Variants in DPP10 observed in about 807,000 individuals in gnomAD.
The protein encoded by DPP10 is dipeptidyl peptidase like 10.
In DPP10, 33 loss-of-function variants were observed where a neutral mutation model predicts 120.9. That is an observed-to-expected ratio of 0.27 (90% CI 0.21 to 0.37). The LOEUF is 0.37. DPP10 is among the 10% of genes least tolerant of loss of function. The pLI is 1.00. For missense variants in DPP10, 816 were observed against 942.8 expected (o/e 0.87, Z 1.76); for synonymous variants, 337 against 326.1 (o/e 1.03, Z -0.36).
intron 1 of DPP10, among the ~76,000 whole-genome samples, chr2:114,572,301 G>C (rs1689718601): frequency 6.6e-6 from 1 of 152,126 alleles, no homozygotes; most frequent in African/African-American, 2.4e-5. Flanking sequence ...GTGTTACCTA[G>C]ATGAGTATGA....
chr2:115,372,057 G>A (rs1193758268), intron 3 of DPP10, among the ~76,000 whole-genome samples: 1 of 151,970 alleles, frequency 6.6e-6, no homozygotes, highest in Non-Finnish European at 1.5e-5. Flanking sequence ...AAGTCTTAAA[G>A]TTTTCTTAAA....
At chr2:115,805,432 A>C (rs975455634) in intron 19 of DPP10, among the ~76,000 whole-genome samples, 29 of 151,914 alleles carry the variant, frequency 1.9e-4, no homozygotes, top group African/African-American at 6.5e-4. Context: ...CGCTGTACCC[A>C]CTGTCCTGCA....
intron 1 of DPP10, among the ~76,000 whole-genome samples, chr2:115,270,055 C>A (rs767820688): frequency 7.0e-6 from 1 of 142,634 alleles, no homozygotes; most frequent in Non-Finnish European, 1.5e-5. Flanking sequence ...TAACTTGTTA[C>A]TAGGTATACT....
At chr2:114,873,431 G>A (rs184077241) in intron 1 of DPP10, among the ~76,000 whole-genome samples, 44 of 152,276 alleles carry the variant, frequency 2.9e-4, no homozygotes, top group African/African-American at 8.7e-4. Flanking sequence ...TTAGGAGGAT[G>A]TGCGTGAGGA....
intron 1 of DPP10, among the ~76,000 whole-genome samples, chr2:114,952,398 A>T (rs1287037046): frequency 6.6e-6 from 1 of 152,194 alleles, no homozygotes; most frequent in African/African-American, 2.4e-5. Context: ...CTCTGATAAA[A>T]CATTAACATG....
intron 1 of DPP10, among the ~76,000 whole-genome samples, chr2:115,288,330 T>C (rs183497277): frequency 6.6e-6 from 1 of 152,252 alleles, no homozygotes; most frequent in Admixed American, 6.5e-5. Context: ...GTATAACTTC[T>C]TTTGAGAAAT....
chr2:115,103,749 T>C (rs1280282908), intron 1 of DPP10, among the ~76,000 whole-genome samples: 1 of 152,220 alleles, frequency 6.6e-6, no homozygotes, highest in African/African-American at 2.4e-5. Context: ...TCCCTCTACC[T>C]AGAATAGTGC....
intron 1 of DPP10, among the ~76,000 whole-genome samples, chr2:114,633,857 C>T (rs1204798794): frequency 4.6e-5 from 7 of 151,652 alleles, no homozygotes; most frequent in Admixed American, 1.3e-4. Flanking sequence ...TCAAGTGATC[C>T]GCTGGCCTTA....
Position 115,242,015 on chromosome 2 carries a change from T to A in DPP10, c.61-67224T>A, listed in dbSNP as rs182272192. Among the ~76,000 whole-genome samples the A allele has an allele frequency of 5.9e-5, 9 of 152,196 alleles. No individual in the cohort carries two copies. The East Asian group carries it at 1.7e-3, about 29-fold the overall frequency. ...GGTGGTACAGTTTTTTTAAAAAAAA[T>A]TTCTATAGGTTTTTGGGGGCAGGTA... On this transcript the variant is annotated intron_variant, in intron 1 of 25. Coordinates refer to ENST00000410059, the MANE Select transcript of DPP10 (RefSeq NM_020868.6).
chr2:115,708,655 C>T lies in DPP10; in HGVS notation c.576+18734C>T, dbSNP rs189460699. ...TTTTTTTGGGGAAAATTTTCACCAT[C>T]TTCTAACCAATTTTATATCTCTAAC... is the stretch of plus-strand genomic sequence containing the variant. On this transcript the variant is annotated intron_variant, in intron 7 of 25. Transcript: ENST00000410059. 4.7e-3 allele frequency among the ~76,000 whole-genome samples: 719 copies of T among 152,068 alleles called. 5 individuals are homozygous for T. Among genetic ancestry groups the T allele is most frequent in the African/African-American group, 0.017 (694 of 41,536 alleles).
chr2:114,955,979 G>A (rs1698173333), intron 1 of DPP10, among the ~76,000 whole-genome samples: 1 of 152,076 alleles, frequency 6.6e-6, no homozygotes, highest in Non-Finnish European at 1.5e-5. Context: ...TAAGCCCACA[G>A]CTAACATCAT....
chr2:115,200,769 G>A (rs1300357206), intron 1 of DPP10, among the ~76,000 whole-genome samples: 1 of 152,058 alleles, frequency 6.6e-6, no homozygotes, highest in African/African-American at 2.4e-5. Flanking sequence ...TTTTATTACT[G>A]TTTATACTTG....
At chr2:114,943,330 A>G (rs2420455) in intron 1 of DPP10, among the ~76,000 whole-genome samples, 2,808 of 152,052 alleles carry the variant, frequency 0.018, 87 homozygotes, top group African/African-American at 0.062. Context: ...CTGGAGTGCA[A>G]TGGTGCTATC....
Position 115,312,247 on chromosome 2 carries a change from C to A in DPP10, c.175+2894C>A, listed in dbSNP as rs533219406. Among the ~76,000 whole-genome samples, 30 of 152,292 alleles carry A rather than the reference C, an allele frequency of 2.0e-4. 1 individual carries two copies. In the South Asian group the frequency reaches 6.2e-3, roughly 32 times the overall value. Reference sequence around the variant, plus strand: ...TTATACAGAGAGTGTTCTATACTTTCTGCAAACTCAATGCCCTCAAGTGCC... The same window carrying A: ...TTATACAGAGAGTGTTCTATACTTTATGCAAACTCAATGCCCTCAAGTGCC... On this transcript the variant is annotated intron_variant, in intron 2 of 25. Coordinates refer to ENST00000410059, the MANE Select transcript of DPP10 (RefSeq NM_020868.6).
chr2:115,760,836 C>T (rs1376154423), intron 11 of DPP10, among the ~76,000 whole-genome samples: 3 of 152,170 alleles, frequency 2.0e-5, no homozygotes, highest in Non-Finnish European at 4.4e-5. Context: ...GTGGCTCATG[C>T]TTGTAATCCC....
intron 1 of DPP10, among the ~76,000 whole-genome samples, chr2:114,939,832 A>T (rs780914180): frequency 6.6e-6 from 1 of 152,184 alleles, no homozygotes; most frequent in East Asian, 1.9e-4. Flanking sequence ...ATTTACAGCT[A>T]TGGCTCATAC....
chr2:114,594,624 C>CAT (rs1691755244), intron 1 of DPP10, among the ~76,000 whole-genome samples: 1 of 133,832 alleles, frequency 7.5e-6, no homozygotes, highest in Non-Finnish European at 1.7e-5. Context: ...TTTATATGCA[C>CAT]ATATATATAT....
intron 1 of DPP10, chr2:114,835,642 G>A (rs13403031): frequency 1.3e-5 from 2 of 152,130 alleles, no homozygotes; most frequent in Non-Finnish European, 2.9e-5. Context: ...ATTGAGACAT[G>A]TTCTCAGTGG....
chr2:114,566,874 A>G (rs1320865762), intron 1 of DPP10, among the ~76,000 whole-genome samples: 3 of 152,218 alleles, frequency 2.0e-5, no homozygotes, highest in African/African-American at 7.2e-5. Context: ...TAGATTTGTA[A>G]GATCCCTCCA....
Sources: allele counts gnomAD v4.1 joint callset (sites outside exome capture counted in the v4.1 genomes callset), GRCh38; gene constraint gnomAD v4.1.1; transcripts MANE v1.5; gene names NCBI Gene and HGNC (gene_info 2026-07-23, HGNC 2026-07-21).